PUSL1: variants seen among roughly 807,000 people sequenced by gnomAD.
The protein encoded by PUSL1 is pseudouridine synthase like 1.
A neutral mutation model predicts 30.7 loss-of-function variants in PUSL1; 51 were observed. The ratio of observed to expected loss-of-function variants is 1.66; its 90% CI spans 1.33 to 2.10. The LOEUF (loss-of-function observed/expected upper bound fraction) is 2.10, where lower values mean the gene tolerates loss of function less well. Ranked by LOEUF, PUSL1 falls within the 30% of genes most tolerant of loss-of-function variation. The probability of loss-of-function intolerance (pLI) is 0.00; values close to 1 mark genes in which losing one functional copy is unlikely to be tolerated. For synonymous variants in PUSL1, 290 were observed against 192.1 expected (o/e 1.51, Z -4.21); for missense variants, 609 against 427.6 (o/e 1.42, Z -3.74).
At chr1:1,310,527 AGGCTC>A (rs1642068341) in intron 5 of PUSL1, 102 bp from the exon 6 acceptor site, 1 of 881,706 alleles carries the variant, frequency 1.1e-6, no homozygotes, top group African/African-American at 1.7e-5. Context: ...AGTGGGAACC[AGGCTC>A]GTCTTTAGGC....
At chr1:1,309,064 GC>G in intron 2 of PUSL1, 21 bp from the exon 3 acceptor site, 2 of 1,411,702 alleles carry the variant, frequency 1.4e-6, no homozygotes, top group Non-Finnish European at 9.1e-7. Context: ...TCACCCGCCC[GC>G]CCCGCGGCTC....
In PUSL1 at chr1:1,311,512, A is replaced by T; in HGVS notation, c.*133A>T. ...ACAGTAGCCTCCCTGCCCGGGTCCC[A>T]GCACCCTGGATGCCCGTCTCTGTCC... On this transcript the variant is annotated 3_prime_UTR_variant, in exon 8 of 8. Transcript: ENST00000379031. 2.1e-6 allele frequency: 2 copies of T among 949,086 alleles called. No homozygotes were observed. The highest frequency in any genetic ancestry group is 3.3e-6 in the Non-Finnish European group (2 of 609,584). The allele number at this position is 949,086 out of a possible 1,614,324, so 58.8% of individuals were successfully genotyped here.
At chr1:1,310,003 G>C in intron 5 of PUSL1, 152 bp downstream of exon 5, 1 of 587,544 alleles carries the variant, frequency 1.7e-6, no homozygotes. Context: ...TCGCCCGGAC[G>C]CCCCCCAGCC....
rs1641974100 is a variant in PUSL1 at position 1,309,527 on chromosome 1, CGCCTG to C, written c.401_405del (p.Leu134HisfsTer7). On this transcript the variant is annotated frameshift_variant, in exon 4 of 8. Coordinates refer to ENST00000379031, the MANE Select transcript of PUSL1 (RefSeq NM_153339.3). LOFTEE classifies it high-confidence loss of function. Reference sequence around the variant, plus strand: ...AGCCACGTCCCGGACCTACCTGTACCGCCTGGCCACTGGCTGTCACCGGCGTGATG... The same window carrying C: ...AGCCACGTCCCGGACCTACCTGTACCGCCACTGGCTGTCACCGGCGTGATG... 1 of 1,611,280 alleles carries C rather than the reference CGCCTG, an allele frequency of 6.2e-7. No individual in the cohort carries two copies.
chr1:1,309,722 T>A lies in PUSL1; in HGVS notation c.515T>A (p.Leu172His), dbSNP rs1051034793. The change falls in exon 5 of 8, where the codon CTC becomes CAC. Residue 172 changes from leucine (L) to histidine (H), a missense_variant. Physicochemically the swap from Leu to His is moderately conservative, Grantham distance 99. Coordinates refer to ENST00000379031, the MANE Select transcript of PUSL1 (RefSeq NM_153339.3). ...MVAMQEAAQH[L>H]LGTHDFSAFQ... ...GCCATGCAGGAAGCCGCCCAGCACC[T>A]CCTCGGCACACACGACTTCAGCGCC... is the stretch of plus-strand genomic sequence containing the variant. 5.0e-6 allele frequency: 8 copies of A among 1,598,022 alleles called. No homozygotes were observed. Among genetic ancestry groups the A allele is most frequent in the Admixed American group, 1.7e-5 (1 of 59,094 alleles).
At chr1:1,310,729 A>G in intron 6 of PUSL1, 41 bp downstream of exon 6, 1 of 1,495,364 alleles carries the variant, frequency 6.7e-7, no homozygotes, top group East Asian at 2.4e-5. Flanking sequence ...GGTGGGGCTG[A>G]GGGTGGGCAG....
At chr1:1,310,119 A>G (rs1366676855) in intron 5 of PUSL1, 5 of 493,748 alleles carry the variant, frequency 1.0e-5, no homozygotes, top group African/African-American at 5.9e-5. Flanking sequence ...CAGCTACTGG[A>G]AAGGTCTCAC....
chr1:1,310,339 C>G lies in PUSL1; in HGVS notation c.645-295C>G, dbSNP rs1642056633. On this transcript the variant is annotated intron_variant, in intron 5 of 7. Coordinates refer to ENST00000379031, the MANE Select transcript of PUSL1 (RefSeq NM_153339.3). The stretch of plus-strand genomic sequence containing the variant: ...ACCCGCACCAGCCACGTTCCCAGAC[C>G]CTGCACCAGGACCCTAGGTGAGGGC... The G allele has an allele frequency of 1.6e-5, 7 of 439,178 alleles. No individual in the cohort carries two copies. In the South Asian group the frequency reaches 2.6e-4, roughly 16 times the overall value. 27.2% of individuals were successfully genotyped at this position (439,178 alleles called of 1,614,324 possible).
At chr1:1,310,479 G>T (rs2100540063) in intron 5 of PUSL1, 155 bp from the exon 6 acceptor site, 1 of 671,806 alleles carries the variant, frequency 1.5e-6, no homozygotes, top group Middle Eastern at 4.2e-4. Context: ...GGCCTCACTG[G>T]GGGCAGGAGA....
chr1:1,309,539 G>C lies in PUSL1; in HGVS notation c.409G>C (p.Gly137Arg). 2 of 1,611,118 alleles carry C rather than the reference G, an allele frequency of 1.2e-6. No homozygotes were observed. The highest frequency in any genetic ancestry group is 1.7e-6 in the Non-Finnish European group (2 of 1,179,492). Residue 137 changes from glycine to arginine, a missense_variant, in exon 4 of 8, where the codon GGC becomes CGC. Coordinates refer to ENST00000379031, the MANE Select transcript of PUSL1 (RefSeq NM_153339.3). ...GACCTACCTGTACCGCCTGGCCACT[G>C]GCTGTCACCGGCGTGATGAGCTGCC... ...SRTYLYRLAT[G>R]CHRRDELPVF...
Position 1,309,128 on chromosome 1 carries a change from A to AC in PUSL1, c.180dup (p.Ile61HisfsTer82), listed in dbSNP as rs921881930. On this transcript the variant is annotated frameshift_variant, in exon 3 of 8. Transcript: ENST00000379031. LOFTEE classifies it high-confidence loss of function. ...GAATTCCGTGGAGCCGGTCAGGTTC[A>AC]CCATCTCCAGCCGCACGGACGCCGG... 2.2e-5 allele frequency: 33 copies of AC among 1,526,062 alleles called. No homozygotes were observed. The highest frequency in any genetic ancestry group is 2.9e-5 in the Non-Finnish European group (33 of 1,144,676). The allele number at this position is 1,526,062 out of a possible 1,614,324, so 94.5% of individuals were successfully genotyped here.
chr1:1,308,763 G>A (rs775273518), intron 1 of PUSL1, 43 bp downstream of exon 1: 1 of 1,480,470 alleles, frequency 6.8e-7, no homozygotes, highest in South Asian at 1.3e-5. Context: ...GTGGGCCCGG[G>A]CGGAGGCGGG....
chr1:1,310,032 C>G (rs541443316), intron 5 of PUSL1, 181 bp downstream of exon 5: 9 of 557,124 alleles, frequency 1.6e-5, no homozygotes, highest in Non-Finnish European at 2.5e-5. Context: ...TGCCCTCCCC[C>G]CAGGCTGGGG....
At chr1:1,310,260 C>T (rs1237285501) in intron 5 of PUSL1, 2 of 338,720 alleles carry the variant, frequency 5.9e-6, no homozygotes, top group Non-Finnish European at 1.1e-5. Flanking sequence ...AGAACTTCTG[C>T]CAGCCCCAGA....
intron 2 of PUSL1, 45 bp from the exon 3 acceptor site, chr1:1,309,041 G>C (rs952829061): frequency 7.2e-7 from 1 of 1,394,284 alleles, no homozygotes; most frequent in African/African-American, 1.5e-5. Context: ...GCGTCCCCGG[G>C]GTCCGGCCTC....
In PUSL1 at chr1:1,310,917, G is replaced by C. The variant is rs61740325; in HGVS notation, c.708G>C (p.Arg236Ser). 1.9e-6 allele frequency: 3 copies of C among 1,613,002 alleles called. No homozygotes were observed. Among genetic ancestry groups the C allele is most frequent in the African/African-American group, 2.7e-5 (2 of 74,878 alleles). ...GTGGCTCTGGGTCACAGGTACGGAG[G>C]ATGACGGCTGTGCTGGTGGCCGTGG... ...SQSFLYRQVR[R>S]MTAVLVAVGL... is the part of the protein sequence containing the mutation. Residue 236 changes from arginine (R) to serine (S), a missense_variant, in exon 7 of 8, where the codon AGG becomes AGC. Coordinates refer to ENST00000379031, the MANE Select transcript of PUSL1 (RefSeq NM_153339.3).
Position 1,311,479 on chromosome 1 carries a change from T to G in PUSL1, c.*100T>G. The G allele has an allele frequency of 8.0e-7, 1 of 1,257,264 alleles. No homozygotes were observed. Among genetic ancestry groups the G allele is most frequent in the Non-Finnish European group, 1.1e-6 (1 of 886,166 alleles). 77.9% of individuals were successfully genotyped at this position (1,257,264 alleles called of 1,614,324 possible). On this transcript the variant is annotated 3_prime_UTR_variant, in exon 8 of 8. Transcript: ENST00000379031. ...GCTTGGGGCCCACAGCACTGCTGCC[T>G]GGTCTCCACAGTAGCCTCCCTGCCC...
At chr1:1,310,580 G>A (rs768916218) in intron 5 of PUSL1, 54 bp from the exon 6 acceptor site, 17 of 1,362,356 alleles carry the variant, frequency 1.2e-5, no homozygotes, top group Non-Finnish European at 1.6e-5. Flanking sequence ...CACATAGTAG[G>A]CTGAGGATGG....
At chr1:1,310,755 TGGCTCTGGGTCGTGGGC>T (rs758454092) in intron 6 of PUSL1, 67 bp downstream of exon 6, 24 of 1,601,704 alleles carry the variant, frequency 1.5e-5, no homozygotes, top group South Asian at 4.4e-5. Flanking sequence ...TGTGCAGTCT[TGGCTCTGGGTCGTGGGC>T]GGCTCTGGGT....
Sources: gnomAD v4.1 joint callset for allele counts on GRCh38, gnomAD v4.1.1 for gene constraint, MANE v1.5 for transcripts, NCBI Gene and HGNC (gene_info 2026-07-23, HGNC 2026-07-21) for gene names.